The following PDE3A variants were observed in gnomAD, a reference collection of about 807,000 sequenced individuals.
The protein encoded by PDE3A is phosphodiesterase 3A, also known as cGMP-inhibited 3',5'-cyclic phosphodiesterase 3A.
A neutral mutation model predicts 98.3 loss-of-function variants in PDE3A; 43 were observed. The ratio of observed to expected loss-of-function variants is 0.44; its 90% CI spans 0.34 to 0.56. The LOEUF (loss-of-function observed/expected upper bound fraction) is 0.56, where lower values mean the gene tolerates loss of function less well. Among genes scored for constraint, PDE3A ranks in the 20% least tolerant of loss-of-function variants. The pLI, the probability that PDE3A is intolerant of heterozygous loss-of-function variation, is 0.01. For synonymous variants in PDE3A, 663 were observed against 567.9 expected, an observed-to-expected ratio of 1.17 and a Z score of -2.38; for missense variants, 1,427 against 1,440.7, an observed-to-expected ratio of 0.99 and a Z score of 0.15.
intron 15 of PDE3A, among the ~76,000 whole-genome samples, chr12:20,674,303 AT>A (rs2120451798): frequency 6.6e-6 from 1 of 152,218 alleles, no homozygotes; most frequent in East Asian, 1.9e-4. Flanking sequence ...TGGATGCCTG[AT>A]TGTTCTGAGT....
chr12:20,430,647 T>G (rs995521506), intron 1 of PDE3A, among the ~76,000 whole-genome samples: 1 of 152,164 alleles, frequency 6.6e-6, no homozygotes, highest in Non-Finnish European at 1.5e-5. Context: ...AAAGTTGAGA[T>G]GGGCTACTCT....
chr12:20,473,654 C>T (rs1312331887), intron 1 of PDE3A, among the ~76,000 whole-genome samples: 1 of 152,108 alleles, frequency 6.6e-6, no homozygotes, highest in Non-Finnish European at 1.5e-5. Context: ...TTAAGAAAAT[C>T]ATTCCATAGC....
At chr12:20,642,047 CTACT>C (rs1944657845) in intron 10 of PDE3A, among the ~76,000 whole-genome samples, 2 of 151,864 alleles carry the variant, frequency 1.3e-5, no homozygotes, top group Non-Finnish European at 1.5e-5. Context: ...TGCTGTATAC[CTACT>C]TGTTTTAATA....
chr12:20,665,652 A>G (rs1027171098), intron 15 of PDE3A, among the ~76,000 whole-genome samples: 3 of 152,142 alleles, frequency 2.0e-5, no homozygotes, highest in African/African-American at 7.2e-5. Context: ...TAATTTTCCA[A>G]AGTAGATGTA....
intron 10 of PDE3A, among the ~76,000 whole-genome samples, chr12:20,644,415 G>T (rs1361605442): frequency 6.6e-6 from 1 of 151,930 alleles, no homozygotes; most frequent in East Asian, 1.9e-4. Context: ...CATGAATTTG[G>T]CAATATTATT....
intron 2 of PDE3A, among the ~76,000 whole-genome samples, chr12:20,564,889 A>C (rs566670373): frequency 6.6e-6 from 1 of 152,226 alleles, no homozygotes; most frequent in African/African-American, 2.4e-5. Context: ...TGTTTAGCCA[A>C]ATCACAACCT....
At chr12:20,448,238 G>C (rs1458305610) in intron 1 of PDE3A, among the ~76,000 whole-genome samples, 2 of 152,200 alleles carry the variant, frequency 1.3e-5, no homozygotes, top group East Asian at 3.9e-4. Context: ...TCAGGATTTC[G>C]AGACCAGCCT....
At chr12:20,413,361 T>C (rs1347890941) in intron 1 of PDE3A, among the ~76,000 whole-genome samples, 3 of 152,192 alleles carry the variant, frequency 2.0e-5, no homozygotes, top group African/African-American at 7.2e-5. Context: ...TGTTTTGTTT[T>C]GCTTTAGGAT....
chr12:20,400,401 T>C (rs1191586002), intron 1 of PDE3A, among the ~76,000 whole-genome samples: 1 of 125,410 alleles, frequency 8.0e-6, no homozygotes, highest in African/African-American at 3.3e-5. Flanking sequence ...TTTTTTTTTT[T>C]TTTTTTTTTT....
At chr12:20,469,183 A>T in intron 1 of PDE3A, among the ~76,000 whole-genome samples, 1 of 152,216 alleles carries the variant, frequency 6.6e-6, no homozygotes, top group South Asian at 2.1e-4. Context: ...ATTTGTTCAT[A>T]TTTAACCCTT....
intron 1 of PDE3A, among the ~76,000 whole-genome samples, chr12:20,554,797 G>T (rs1942324445): frequency 2.0e-5 from 3 of 151,794 alleles, no homozygotes; most frequent in Admixed American, 2.0e-4. Context: ...ATGTTGGCCA[G>T]GCTGGTCATG....
At chr12:20,443,367 G>A (rs1370554465) in intron 1 of PDE3A, among the ~76,000 whole-genome samples, 2 of 152,088 alleles carry the variant, frequency 1.3e-5, no homozygotes, top group Non-Finnish European at 2.9e-5. Context: ...AAGGGGATAT[G>A]GCTGACAGGA....
intron 1 of PDE3A, among the ~76,000 whole-genome samples, chr12:20,412,216 T>C (rs1223196830): frequency 6.6e-6 from 1 of 152,182 alleles, no homozygotes; most frequent in Non-Finnish European, 1.5e-5. Flanking sequence ...AGTGTAAATA[T>C]GTATTAAGTG....
intron 1 of PDE3A, among the ~76,000 whole-genome samples, chr12:20,554,445 T>C (rs1471468645): frequency 6.6e-6 from 1 of 151,678 alleles, no homozygotes; most frequent in Non-Finnish European, 1.5e-5. Flanking sequence ...AGTATTTACC[T>C]GGATTTTATT....
chr12:20,388,764 T>C (rs1943859525), intron 1 of PDE3A, among the ~76,000 whole-genome samples: 1 of 152,080 alleles, frequency 6.6e-6, no homozygotes, highest in African/African-American at 2.4e-5. Flanking sequence ...TTCAGTTTCA[T>C]TTCCCAGGAT....
rs373926334 is a variant in PDE3A at position 20,629,916 on chromosome 12, G to A, written c.1549G>A (p.Ala517Thr). The A allele has an allele frequency of 1.4e-5, 22 of 1,612,678 alleles. No homozygotes were observed. Among genetic ancestry groups the A allele is most frequent in the Non-Finnish European group, 1.7e-5 (20 of 1,178,896 alleles). Residue 517 changes from alanine (A) to threonine (T), a missense_variant, in exon 6 of 16, where the codon GCT (alanine) becomes ACT (threonine). Physicochemically the swap from Ala to Thr is moderately conservative, Grantham distance 58 (BLOSUM62 0). Transcript: ENST00000359062. ...AKKQSRPGAL[A>T]KISPLSSPCS... The stretch of plus-strand genomic sequence containing the variant: ...CTCTCATTCTTTCTCAGGTGCCCTC[G>A]CTAAAATTTCACCTCTTTCATCGCC...
At chr12:20,662,263 C>A (rs1171254584) in intron 15 of PDE3A, among the ~76,000 whole-genome samples, 1 of 152,120 alleles carries the variant, frequency 6.6e-6, no homozygotes, top group Non-Finnish European at 1.5e-5. Flanking sequence ...TGTTGAATGG[C>A]ACTGACCAAA....
At chr12:20,371,551 G>GAC in intron 1 of PDE3A, 1 of 672,556 alleles carries the variant, frequency 1.5e-6, no homozygotes, top group Non-Finnish European at 1.8e-6. Context: ...ACCATATGGT[G>GAC]TGGGTGGCTA....
intron 2 of PDE3A, among the ~76,000 whole-genome samples, chr12:20,612,866 C>G (rs1943904892): frequency 1.3e-5 from 2 of 151,634 alleles, no homozygotes; most frequent in South Asian, 2.1e-4. Context: ...GCCACAGAAT[C>G]CCAGAACTGA....
Sources: allele counts gnomAD v4.1 joint callset (sites outside exome capture counted in the v4.1 genomes callset), GRCh38; gene constraint gnomAD v4.1.1; transcripts MANE v1.5; gene names NCBI Gene and HGNC (gene_info 2026-07-23, HGNC 2026-07-21).